SMPD3: variants seen among roughly 807,000 people sequenced by gnomAD.
The protein encoded by SMPD3 is nSMase-2.
SMPD3 carries 21 observed loss-of-function variants against 55.7 expected under a neutral mutation model. The observed-to-expected ratio is 0.38, with a 90% CI of 0.27 to 0.54. The LOEUF (loss-of-function observed/expected upper bound fraction) is 0.54. Ranked by LOEUF, SMPD3 falls within the 20% of genes least tolerant of loss-of-function variation. The pLI is 0.80. For missense variants in SMPD3, 842 were observed against 899.6 expected (o/e 0.94, Z 0.82); for synonymous variants, 457 against 404.3 (o/e 1.13, Z -1.56).
intron 2 of SMPD3, among the ~76,000 whole-genome samples, chr16:68,376,272 C>T (rs781733077): frequency 3.3e-5 from 5 of 152,242 alleles, no homozygotes; most frequent in African/African-American, 9.6e-5. Context: ...GGGCCTGCTG[C>T]GTGGTGGTGC....
rs1597560112 is a variant in SMPD3, at chr16:68,358,411, A to G, written c.*2795T>C. The G allele has an allele frequency of 6.5e-6, 1 of 152,716 alleles. No individual in the cohort carries two copies. Among genetic ancestry groups the G allele is most frequent in the Non-Finnish European group, 1.5e-5 (1 of 68,044 alleles). The allele number at this position is 152,716 out of a possible 1,614,324, so 9.5% of individuals were successfully genotyped here. ...GAAAAAGAACACCTCTCTTCGCAAAATATTTTATCAGGTGTAAAGACTTGT... is the reference window on the plus strand; with the variant it reads ...GAAAAAGAACACCTCTCTTCGCAAAGTATTTTATCAGGTGTAAAGACTTGT... On this transcript the variant is annotated 3_prime_UTR_variant, in exon 9 of 9. Coordinates refer to ENST00000219334, the MANE Select transcript of SMPD3 (RefSeq NM_018667.4).
chr16:68,363,620 G>T, intron 6 of SMPD3, 61 bp from the exon 7 acceptor site: 1 of 1,532,036 alleles, frequency 6.5e-7, no homozygotes, highest in Non-Finnish European at 9.0e-7. Flanking sequence ...GCCTCTAGGG[G>T]GTGGCCTCTG....
intron 1 of SMPD3, among the ~76,000 whole-genome samples, chr16:68,445,891 G>A (rs186997599): frequency 2.0e-5 from 3 of 152,324 alleles, no homozygotes; most frequent in Admixed American, 1.3e-4. Flanking sequence ...GGAGGGGCAT[G>A]CTTATCCTCT....
intron 1 of SMPD3, among the ~76,000 whole-genome samples, chr16:68,445,921 G>A (rs772749127): frequency 1.3e-4 from 20 of 152,192 alleles, no homozygotes; most frequent in Admixed American, 1.0e-3. Flanking sequence ...ACCTTGTAGT[G>A]TATGTCTGTG....
chr16:68,411,784 AG>A (rs2152018820), intron 1 of SMPD3, among the ~76,000 whole-genome samples: 1 of 152,320 alleles, frequency 6.6e-6, no homozygotes, highest in East Asian at 1.9e-4. Context: ...TAGCAGCCAG[AG>A]GAAGTGGCTG....
At chr16:68,420,078 G>T (rs2090378430) in intron 1 of SMPD3, among the ~76,000 whole-genome samples, 1 of 151,068 alleles carries the variant, frequency 6.6e-6, no homozygotes, top group South Asian at 2.1e-4. Context: ...CAACCTCCTA[G>T]GCTCAAGCAA....
At position 68,447,082 on chromosome 16, in the gene SMPD3, C is replaced by T. The variant is rs1162673394; in HGVS notation, c.-269+1271G>A. On this transcript the variant is annotated intron_variant, in intron 1 of 8. Transcript: ENST00000219334. The surrounding 1 kb of genome is among the most constrained non-coding windows in gnomAD (Gnocchi z 5.1). ...GAAGCTGCCCGCGCCGCGCCCGAAGCCCCCCCTCCGCGGCCGCGCCCCCCG... is the reference window on the plus strand; with the variant it reads ...GAAGCTGCCCGCGCCGCGCCCGAAGTCCCCCCTCCGCGGCCGCGCCCCCCG... Among the ~76,000 whole-genome samples the T allele has an allele frequency of 6.6e-6, 1 of 151,804 alleles. No individual in the cohort carries two copies. The highest frequency in any genetic ancestry group is 1.9e-4 in the East Asian group (1 of 5,156).
intron 2 of SMPD3, among the ~76,000 whole-genome samples, chr16:68,382,686 G>A (rs536353105): frequency 7.9e-5 from 12 of 152,236 alleles, no homozygotes; most frequent in Admixed American, 2.0e-4. Context: ...GCCTTGCCAG[G>A]GCCATGCCTT....
chr16:68,373,682 C>T (rs1406776520), intron 2 of SMPD3, among the ~76,000 whole-genome samples: 2 of 152,218 alleles, frequency 1.3e-5, no homozygotes, highest in Non-Finnish European at 2.9e-5. Flanking sequence ...CGGCCTGGGA[C>T]TGCATCACGG....
intron 2 of SMPD3, among the ~76,000 whole-genome samples, chr16:68,372,841 C>G (rs1041247513): frequency 3.3e-5 from 5 of 152,174 alleles, no homozygotes; most frequent in Non-Finnish European, 7.4e-5. Flanking sequence ...AACATGGCCA[C>G]TTGTCATGGA....
chr16:68,398,952 G>T (rs2090183545), intron 1 of SMPD3, among the ~76,000 whole-genome samples: 2 of 152,188 alleles, frequency 1.3e-5, no homozygotes, highest in African/African-American at 2.4e-5. Context: ...TGACATCGTG[G>T]CCAGGAGCTC....
chr16:68,403,241 A>C (rs1321405732), intron 1 of SMPD3, among the ~76,000 whole-genome samples: 1 of 151,894 alleles, frequency 6.6e-6, no homozygotes, highest in African/African-American at 2.4e-5. Context: ...TCACCACTTA[A>C]CTCATTATGC....
intron 1 of SMPD3, among the ~76,000 whole-genome samples, chr16:68,435,423 A>C (rs1170662693): frequency 6.6e-6 from 1 of 152,094 alleles, no homozygotes; most frequent in Non-Finnish European, 1.5e-5. Context: ...GCATATTAAA[A>C]CTCTCTACAG....
chr16:68,442,609 T>G (rs2090575744), intron 1 of SMPD3, among the ~76,000 whole-genome samples: 1 of 152,192 alleles, frequency 6.6e-6, no homozygotes, highest in Non-Finnish European at 1.5e-5. Flanking sequence ...CATATTGGCC[T>G]AAAATCTTAA....
intron 1 of SMPD3, among the ~76,000 whole-genome samples, chr16:68,406,827 G>C (rs756436694): frequency 6.6e-6 from 1 of 152,220 alleles, no homozygotes; most frequent in Admixed American, 6.5e-5. Flanking sequence ...GAAGCTCACC[G>C]TAGCGTGGAG....
At position 68,404,182 on chromosome 16, in the gene SMPD3, A is replaced by G. The variant is rs1286086450; in HGVS notation, c.-268-17523T>C. ...TCAGTGCACACCACCACGCCCAGCTAATTTTTTTTTTTTTTTTTTGAGATG... is the reference window on the plus strand; with the variant it reads ...TCAGTGCACACCACCACGCCCAGCTGATTTTTTTTTTTTTTTTTTGAGATG... On this transcript the variant is annotated intron_variant, in intron 1 of 8. Coordinates refer to ENST00000219334, the MANE Select transcript of SMPD3 (RefSeq NM_018667.4). This position sits in a 1 kb window ranked among gnomAD's most constrained non-coding sequence, Gnocchi z 4.0. Among the ~76,000 whole-genome samples, 1 of 147,378 alleles carries G rather than the reference A, an allele frequency of 6.8e-6. No individual in the cohort carries two copies. The highest frequency in any genetic ancestry group is 1.5e-5 in the Non-Finnish European group (1 of 66,764).
intron 2 of SMPD3, 62 bp from the exon 3 acceptor site, chr16:68,372,449 G>A: frequency 1.9e-6 from 1 of 523,434 alleles, no homozygotes; most frequent in Non-Finnish European, 3.5e-6. Context: ...GTCAGATATG[G>A]GGCCTTTGCC....
chr16:68,392,979 A>G (rs971425973), intron 1 of SMPD3, among the ~76,000 whole-genome samples: 1 of 151,932 alleles, frequency 6.6e-6, no homozygotes, highest in Non-Finnish European at 1.5e-5. Context: ...TTGATCTCAG[A>G]CTTCTAGCCT....
At chr16:68,414,523 G>A (rs2090324884) in intron 1 of SMPD3, among the ~76,000 whole-genome samples, 1 of 152,248 alleles carries the variant, frequency 6.6e-6, no homozygotes, top group Non-Finnish European at 1.5e-5. Flanking sequence ...AGGTCTGGCA[G>A]TCAGATTTCC....
Sources: allele counts gnomAD v4.1 joint callset (sites outside exome capture counted in the v4.1 genomes callset), GRCh38; gene constraint gnomAD v4.1.1; non-coding constraint Gnocchi (gnomAD v3.1); transcripts MANE v1.5; gene names NCBI Gene and HGNC (gene_info 2026-07-23, HGNC 2026-07-21).